The following PCDH15 variants were observed in gnomAD, a reference collection of about 807,000 sequenced individuals.
The protein encoded by PCDH15 is protocadherin related 15, also known as protocadherin-15.
In PCDH15, 129 loss-of-function variants were observed where a neutral mutation model predicts 178.5. The observed-to-expected ratio is 0.72, with a 90% CI of 0.63 to 0.84. The LOEUF is 0.84. Ranked by LOEUF, PCDH15 falls within the 40% of genes least tolerant of loss-of-function variation. The pLI, the probability that PCDH15 is intolerant of heterozygous loss-of-function variation, is 0.00. For synonymous variants in PCDH15, 800 were observed against 732.0 expected, an observed-to-expected ratio of 1.09 and a Z score of -1.50; for missense variants, 2,230 against 2,099.9, an observed-to-expected ratio of 1.06 and a Z score of -1.21.
intron 2 of PCDH15, among the ~76,000 whole-genome samples, chr10:55,107,466 A>T (rs1591908506): frequency 6.7e-6 from 1 of 150,108 alleles, no homozygotes; most frequent in Non-Finnish European, 1.5e-5. Context: ...ATAAAATACA[A>T]TTACTGTATT....
At chr10:55,499,035 G>C (rs1840596034) in intron 2 of PCDH15, among the ~76,000 whole-genome samples, 1 of 151,840 alleles carries the variant, frequency 6.6e-6, no homozygotes, top group Admixed American at 6.6e-5. Context: ...CTGTTTTGAT[G>C]CCTGTCAACT....
chr10:55,242,759 G>C (rs1257565771), intron 1 of PCDH15, among the ~76,000 whole-genome samples: 2 of 152,132 alleles, frequency 1.3e-5, no homozygotes, highest in Non-Finnish European at 2.9e-5. Context: ...GTTGAGGTGG[G>C]CGGATCATCT....
At chr10:55,448,653 T>C (rs1839369506) in intron 2 of PCDH15, among the ~76,000 whole-genome samples, 1 of 151,992 alleles carries the variant, frequency 6.6e-6, no homozygotes, top group African/African-American at 2.4e-5. Flanking sequence ...ATATCCTCAG[T>C]TTCTGTCTGA....
intron 1 of PCDH15, among the ~76,000 whole-genome samples, chr10:54,716,944 G>T (rs1256258771): frequency 1.4e-5 from 2 of 147,248 alleles, no homozygotes; most frequent in Non-Finnish European, 3.0e-5. Flanking sequence ...AGAGCCCTCA[G>T]AAATAAGGCC....
chr10:55,267,469 A>G (rs1294973104), intron 1 of PCDH15, among the ~76,000 whole-genome samples: 1 of 152,200 alleles, frequency 6.6e-6, no homozygotes, highest in African/African-American at 2.4e-5. Flanking sequence ...AGGTTAGCCA[A>G]ACTAGGATTA....
At chr10:54,253,071 A>G (rs565596950) in intron 8 of PCDH15, among the ~76,000 whole-genome samples, 62 of 152,202 alleles carry the variant, frequency 4.1e-4, no homozygotes, top group African/African-American at 1.5e-3. Flanking sequence ...AGGAAAATCC[A>G]AAAGAAGAGA....
At chr10:55,061,443 A>G (rs1841429028) in intron 2 of PCDH15, among the ~76,000 whole-genome samples, 1 of 152,188 alleles carries the variant, frequency 6.6e-6, no homozygotes, top group Non-Finnish European at 1.5e-5. Flanking sequence ...ACTCCCTTTC[A>G]CTGCTGGTGG....
At chr10:54,538,467 A>G (rs1219885391) in intron 2 of PCDH15, among the ~76,000 whole-genome samples, 2 of 152,080 alleles carry the variant, frequency 1.3e-5, no homozygotes, top group Non-Finnish European at 2.9e-5. Flanking sequence ...TCATTGGTCT[A>G]TGTGTCTATT....
intron 5 of PCDH15, among the ~76,000 whole-genome samples, chr10:54,354,616 T>C (rs1026011330): frequency 6.6e-6 from 1 of 152,208 alleles, no homozygotes; most frequent in African/African-American, 2.4e-5. Flanking sequence ...GTGATTTTTA[T>C]TCCTTGAAAA....
intron 2 of PCDH15, among the ~76,000 whole-genome samples, chr10:55,044,697 A>G (rs906151406): frequency 1.3e-5 from 2 of 152,272 alleles, no homozygotes; most frequent in Admixed American, 6.5e-5. Context: ...TTTTATATAC[A>G]TAAGTCTACA....
chr10:54,769,966 A>G (rs910587389), intron 1 of PCDH15, among the ~76,000 whole-genome samples: 4 of 152,284 alleles, frequency 2.6e-5, no homozygotes, highest in African/African-American at 7.2e-5. Flanking sequence ...GTCTAAACAC[A>G]TATGTATCTA....
chr10:54,099,250 C>A (rs7075611), intron 15 of PCDH15, among the ~76,000 whole-genome samples: 87,401 of 151,784 alleles, frequency 0.58, 26,001 homozygotes, highest in Middle Eastern at 0.67. Flanking sequence ...CCTGTAATGC[C>A]AGCACTTTGG....
chr10:54,570,308 T>C (rs2089635659), intron 2 of PCDH15, among the ~76,000 whole-genome samples: 1 of 152,158 alleles, frequency 6.6e-6, no homozygotes, highest in Non-Finnish European at 1.5e-5. Context: ...ACCTGGAAAG[T>C]AGAGTATTGA....
At chr10:53,835,303 A>G (rs1396323235) in intron 29 of PCDH15, among the ~76,000 whole-genome samples, 1 of 152,160 alleles carries the variant, frequency 6.6e-6, no homozygotes, top group African/African-American at 2.4e-5. Flanking sequence ...CGATTTGGAC[A>G]TACTGTTTTT....
At chr10:53,838,001 G>T (rs1353892069) in intron 29 of PCDH15, among the ~76,000 whole-genome samples, 3 of 147,814 alleles carry the variant, frequency 2.0e-5, no homozygotes, top group Non-Finnish European at 4.5e-5. Flanking sequence ...TTTAGAGGCA[G>T]AGTCTTGCTC....
chr10:54,774,534 C>T (rs1949483981), intron 1 of PCDH15, among the ~76,000 whole-genome samples: 1 of 152,136 alleles, frequency 6.6e-6, no homozygotes, highest in South Asian at 2.1e-4. Flanking sequence ...CACATACATA[C>T]AATCACATAC....
intron 2 of PCDH15, among the ~76,000 whole-genome samples, chr10:55,602,132 C>T (rs941465924): frequency 2.0e-5 from 3 of 152,110 alleles, no homozygotes; most frequent in African/African-American, 7.2e-5. Context: ...TGACAGACAG[C>T]ACCTGGAAAA....
In PCDH15 at chr10:54,762,288, G is replaced by A. The variant is rs886983587; in HGVS notation, c.-29+38637C>T. ...TAAATACTTCAAGAAAAAATTTGCT[G>A]GAGATATTAGCAGAACATGTCGTAC... On this transcript the variant is annotated intron_variant, in intron 1 of 37. Coordinates refer to ENST00000644397, the MANE Select transcript of PCDH15 (RefSeq NM_001384140.1). Among the ~76,000 whole-genome samples, 4 of 152,006 alleles carry A rather than the reference G, an allele frequency of 2.6e-5. 1 individual carries two copies. The highest frequency in any genetic ancestry group is 9.7e-5 in the African/African-American group (4 of 41,362).
At chr10:54,907,797 C>T (rs1159157555) in intron 2 of PCDH15, among the ~76,000 whole-genome samples, 3 of 152,048 alleles carry the variant, frequency 2.0e-5, no homozygotes, top group Non-Finnish European at 2.9e-5. Context: ...TTTTAAATTC[C>T]TAATGATATA....
Sources: allele counts gnomAD v4.1 joint callset (sites outside exome capture counted in the v4.1 genomes callset), GRCh38; gene constraint gnomAD v4.1.1; transcripts MANE v1.5; gene names NCBI Gene and HGNC (gene_info 2026-07-23, HGNC 2026-07-21).